GMEB1: variants seen among roughly 807,000 people sequenced by gnomAD.
GMEB1 encodes glucocorticoid modulatory element binding protein 1.
Under a neutral mutation model 52.4 loss-of-function variants are expected in GMEB1, and 6 were observed. That is an observed-to-expected ratio of 0.11 (90% CI 0.06 to 0.23). The LOEUF is 0.23. Among genes scored for constraint, GMEB1 ranks in the 10% least tolerant of loss-of-function variants. The pLI is 1.00. For synonymous variants in GMEB1, 255 were observed against 244.9 expected (o/e 1.04, Z -0.38); for missense variants, 486 against 685.6 (o/e 0.71, Z 3.25).
In GMEB1 at chr1:28,695,896, G is replaced by A. The variant is rs1319233865; in HGVS notation, c.441-1031G>A. Among the ~76,000 whole-genome samples the A allele has an allele frequency of 3.7e-3, 380 of 103,694 alleles. 2 individuals are homozygous for A. Among genetic ancestry groups the A allele is most frequent in the Middle Eastern group, 0.019 (2 of 104 alleles). 68.0% of individuals were successfully genotyped at this position (103,694 alleles called of 152,430 possible). ...GGAGCTTGCAGTGAGCCGAGATCCC[G>A]CCACTGCACTCCAGCCTGGGCGACA... On this transcript the variant is annotated intron_variant, in intron 5 of 9. Transcript: ENST00000373816.
At chr1:28,690,981 A>C (rs1042986584) in intron 3 of GMEB1, among the ~76,000 whole-genome samples, 5 of 151,338 alleles carry the variant, frequency 3.3e-5, no homozygotes, top group African/African-American at 9.7e-5. Context: ...ACATCATCCT[A>C]AAAAAAATAA....
At chr1:28,710,977 A>G (rs1483102608) in intron 9 of GMEB1, among the ~76,000 whole-genome samples, 9 of 152,060 alleles carry the variant, frequency 5.9e-5, no homozygotes, top group Admixed American at 5.9e-4. Context: ...GCATCTTTTG[A>G]TAGATATAAA....
At chr1:28,700,827 C>A (rs184859086) in intron 6 of GMEB1, among the ~76,000 whole-genome samples, 1 of 152,122 alleles carries the variant, frequency 6.6e-6, no homozygotes, top group Non-Finnish European at 1.5e-5. Flanking sequence ...GGACACTTGA[C>A]TCTTTCACTT....
chr1:28,702,592 T>C (rs897393591), intron 7 of GMEB1, 23 bp downstream of exon 7: 7 of 1,608,628 alleles, frequency 4.4e-6, no homozygotes, highest in Admixed American at 1.7e-5. Flanking sequence ...AGGGCTCAGA[T>C]GTCTTGCAGG....
rs1057464102 is a variant in GMEB1 at position 28,668,857 on chromosome 1, T to G, written c.-31+18T>G. The G allele has an allele frequency of 1.8e-3, 31 of 17,548 alleles. No individual in the cohort carries two copies. Among genetic ancestry groups the G allele is most frequent in the East Asian group, 5.0e-3 (3 of 596 alleles). The allele number at this position is 17,548 out of a possible 1,614,324, so 1.1% of individuals were successfully genotyped here. A position where few individuals can be genotyped will look rare whatever the true frequency, so the allele number is the denominator to read the frequency against. On this transcript the variant is annotated intron_variant, in intron 1 of 9. Transcript: ENST00000373816. ...CGGAGACGGTGAGGAGGGGGAGGGG[T>G]GGGCGCGCGGGCGCGGGGTGGGGTG...
At chr1:28,693,109 C>T (rs1670038873) in intron 5 of GMEB1, 64 bp downstream of exon 5, 2 of 693,762 alleles carry the variant, frequency 2.9e-6, no homozygotes, top group Non-Finnish European at 4.7e-6. Flanking sequence ...ATGCTAGAAT[C>T]TGGGCTTTTC....
chr1:28,671,262 ATTTCT>A (rs541254376), intron 1 of GMEB1, among the ~76,000 whole-genome samples: 102 of 152,218 alleles, frequency 6.7e-4, no homozygotes, highest in African/African-American at 2.4e-3. Flanking sequence ...TAGAGTGGAA[ATTTCT>A]TTTTTATTTT....
At chr1:28,711,070 G>A (rs1168767594) in intron 9 of GMEB1, among the ~76,000 whole-genome samples, 5 of 152,016 alleles carry the variant, frequency 3.3e-5, no homozygotes, top group Admixed American at 2.0e-4. Flanking sequence ...GACAGATCAC[G>A]AGGTCAAGAG....
At chr1:28,702,995 C>T (rs1451240075) in intron 7 of GMEB1, among the ~76,000 whole-genome samples, 2 of 152,036 alleles carry the variant, frequency 1.3e-5, no homozygotes, top group African/African-American at 2.4e-5. Context: ...CCAGCCTGGG[C>T]GACTAAGCAA....
chr1:28,680,657 C>T lies in GMEB1; in HGVS notation c.-30-2926C>T, dbSNP rs530671283. On this transcript the variant is annotated intron_variant, in intron 1 of 9. Coordinates refer to ENST00000373816, the MANE Select transcript of GMEB1 (RefSeq NM_001319674.2). ...GGCTGAGGCAGGAGAATCGCTTGAA[C>T]CTAGGAAAGGGAGGTGGTAGTGAGC... 3.3e-5 allele frequency among the ~76,000 whole-genome samples: 5 copies of T among 151,946 alleles called. No homozygotes were observed. In the South Asian group the frequency reaches 1.0e-3, roughly 32 times the overall value.
chr1:28,683,683 A>T lies in GMEB1; in HGVS notation c.71A>T (p.Glu24Val). The T allele has an allele frequency of 6.2e-7, 1 of 1,611,896 alleles. No homozygotes were observed. The change falls in exon 2 of 10, where the codon GAG becomes GTG. Residue 24 changes from glutamate (E) to valine (V), a missense_variant. Physicochemically the swap from Glu to Val is moderately radical, Grantham distance 121 (BLOSUM62 -2). This residue lies in a region of GMEB1 where 88 missense variants were observed against 96.5 expected (regional missense o/e 0.91). Transcript: ENST00000373816. ...GTACCTACTGAAGGAAATGAAGGGG[A>T]GAATCCTGAAGACACTAAAACCCAA... Reference protein sequence around the residue: ...VVVPTEGNEGENPEDTKTQVI... With the variant: ...VVVPTEGNEGVNPEDTKTQVI...
chr1:28,697,513 C>G (rs926787522), intron 6 of GMEB1, among the ~76,000 whole-genome samples: 6 of 151,990 alleles, frequency 3.9e-5, no homozygotes, highest in Non-Finnish European at 7.4e-5. Context: ...TGTCCCCTTG[C>G]ATATTCTTAA....
chr1:28,680,422 T>C (rs940938723), intron 1 of GMEB1, among the ~76,000 whole-genome samples: 3 of 151,950 alleles, frequency 2.0e-5, no homozygotes, highest in African/African-American at 4.8e-5. Context: ...TGTGGTAGCC[T>C]TGGGGGAATT....
intron 1 of GMEB1, among the ~76,000 whole-genome samples, chr1:28,678,547 G>A (rs9426299): frequency 0.06 from 9,138 of 152,238 alleles, 389 homozygotes; most frequent in Middle Eastern, 0.13. Context: ...CTGAGCTCAT[G>A]ATCCGCCTGC....
chr1:28,672,735 C>CT (rs1668950717), intron 1 of GMEB1, among the ~76,000 whole-genome samples: 2 of 130,960 alleles, frequency 1.5e-5, no homozygotes, highest in Admixed American at 1.8e-4. Flanking sequence ...ACATATTGTT[C>CT]CTTTTTTTTT....
rs1411039207 is a variant in GMEB1, at chr1:28,683,802, T to G, written c.128+62T>G. 3.7e-5 allele frequency: 55 copies of G among 1,505,544 alleles called. 1 individual carries two copies. Among genetic ancestry groups the G allele is most frequent in the Non-Finnish European group, 4.7e-5 (51 of 1,093,104 alleles). 93.3% of individuals were successfully genotyped at this position (1,505,544 alleles called of 1,614,324 possible). A position where few individuals can be genotyped will look rare whatever the true frequency, so the allele number is the denominator to read the frequency against. ...TGGGAAGCTTCAAGGGTGGGGAAATTATAACTTTATGGTTGCTTAGCACAA... is the reference window on the plus strand; with the variant it reads ...TGGGAAGCTTCAAGGGTGGGGAAATGATAACTTTATGGTTGCTTAGCACAA... On this transcript the variant is annotated intron_variant, in intron 2 of 9. Coordinates refer to ENST00000373816, the MANE Select transcript of GMEB1 (RefSeq NM_001319674.2).
intron 4 of GMEB1, among the ~76,000 whole-genome samples, chr1:28,692,737 G>T (rs563506346): frequency 6.6e-6 from 1 of 152,146 alleles, no homozygotes; most frequent in East Asian, 1.9e-4. Flanking sequence ...CATGTATTCT[G>T]TGGCTTTGTA....
At chr1:28,710,064 G>A (rs769936074) in intron 8 of GMEB1, among the ~76,000 whole-genome samples, 54 of 152,008 alleles carry the variant, frequency 3.6e-4, no homozygotes, top group Non-Finnish European at 6.2e-4. Flanking sequence ...GGAGAATGGC[G>A]TGAACCCGGG....
chr1:28,705,644 T>G (rs1670718843), intron 8 of GMEB1, among the ~76,000 whole-genome samples: 2 of 150,114 alleles, frequency 1.3e-5, no homozygotes, highest in Admixed American at 6.6e-5. Flanking sequence ...AGAGATGAGG[T>G]TTCACCATGT....
Sources: gnomAD v4.1 joint callset for allele counts (sites outside exome capture counted in the v4.1 genomes callset) on GRCh38, gnomAD v4.1.1 for gene constraint, gnomAD v4.1.1 regional missense constraint, MANE v1.5 for transcripts, NCBI Gene and HGNC (gene_info 2026-07-23, HGNC 2026-07-21) for gene names.